The following RANBP2 variants were observed in gnomAD, a reference collection of about 807,000 sequenced individuals.
RANBP2 encodes the protein E3 SUMO-protein ligase RanBP2.
In RANBP2, 57 loss-of-function variants were observed where a neutral mutation model predicts 303.6. The ratio of observed to expected loss-of-function variants is 0.19; its 90% CI spans 0.15 to 0.23. The LOEUF is 0.23. Ranked by LOEUF, RANBP2 falls within the 10% of genes least tolerant of loss-of-function variation. RANBP2 has a pLI of 1.00. For synonymous variants in RANBP2, 1,167 were observed against 1,301.5 expected, an observed-to-expected ratio of 0.90 and a Z score of 2.23; for missense variants, 3,138 against 3,780.8, an observed-to-expected ratio of 0.83 and a Z score of 4.46.
chr2:109,550,234 A>G, the RANBP2 span, among the ~76,000 whole-genome samples: 3 of 151,808 alleles, frequency 2.0e-5, no homozygotes, highest in African/African-American at 7.2e-5. Context: ...AGGTTGCGGT[A>G]AGCTGAGATT....
the RANBP2 span, among the ~76,000 whole-genome samples, chr2:109,243,727 T>C: frequency 6.6e-6 from 1 of 152,070 alleles, no homozygotes. Context: ...AGATTGAGCA[T>C]GGTGTTTTCA....
the RANBP2 span, among the ~76,000 whole-genome samples, chr2:109,201,024 G>A: frequency 1.3e-5 from 2 of 152,162 alleles, no homozygotes; most frequent in Non-Finnish European, 2.9e-5. Flanking sequence ...GTGGCTGTGG[G>A]GACCTGGGTG....
intron 4 of RANBP2, among the ~76,000 whole-genome samples, chr2:108,732,201 A>G (rs917608804): frequency 1.3e-5 from 2 of 152,180 alleles, no homozygotes; most frequent in African/African-American, 4.8e-5. Flanking sequence ...GAATTTAAAA[A>G]ATTTTAATTT....
the RANBP2 span, chr2:108,856,985 T>G: frequency 6.8e-7 from 1 of 1,467,888 alleles, no homozygotes; most frequent in South Asian, 1.2e-5. Context: ...GTTTTTAAGT[T>G]CTATATGTGT....
At chr2:109,027,917 C>T in the RANBP2 span, among the ~76,000 whole-genome samples, 1 of 152,234 alleles carries the variant, frequency 6.6e-6, no homozygotes. Context: ...TGGGCTCTGC[C>T]AGTTAATGCA....
At chr2:108,859,044 T>C in the RANBP2 span, among the ~76,000 whole-genome samples, 2 of 152,204 alleles carry the variant, frequency 1.3e-5, no homozygotes, top group African/African-American at 2.4e-5. Flanking sequence ...TACCCAGTAA[T>C]AGGATTGCTG....
chr2:109,580,349 CAAAA>C, the RANBP2 span, among the ~76,000 whole-genome samples: 3 of 135,916 alleles, frequency 2.2e-5, no homozygotes, highest in African/African-American at 2.8e-5. Context: ...CCATAAAATG[CAAAA>C]AAAAAAAAAA....
At chr2:109,221,941 A>G in the RANBP2 span, among the ~76,000 whole-genome samples, 1 of 152,022 alleles carries the variant, frequency 6.6e-6, no homozygotes, top group Non-Finnish European at 1.5e-5. Flanking sequence ...AATAGCAAAG[A>G]TGTGAATCAG....
the RANBP2 span, among the ~76,000 whole-genome samples, chr2:109,522,095 A>T: frequency 6.6e-6 from 1 of 152,130 alleles, no homozygotes; most frequent in South Asian, 2.1e-4. Context: ...TTTTAAAAAA[A>T]CCTGCTGAAT....
chr2:109,726,578 T>C, the RANBP2 span, among the ~76,000 whole-genome samples: 1 of 152,178 alleles, frequency 6.6e-6, no homozygotes, highest in Non-Finnish European at 1.5e-5. Context: ...TTAACCACTT[T>C]CGTTACTAGG....
the RANBP2 span, among the ~76,000 whole-genome samples, chr2:109,245,473 A>G: frequency 1.3e-5 from 2 of 152,188 alleles, no homozygotes; most frequent in African/African-American, 4.8e-5. Flanking sequence ...AGTGCTTCCT[A>G]TGTGAGTTGA....
At chr2:109,398,555 T>G in the RANBP2 span, 2 of 1,507,444 alleles carry the variant, frequency 1.3e-6, no homozygotes, top group Non-Finnish European at 1.8e-6. Flanking sequence ...TGACCATGAT[T>G]TAATGCAGCC....
the RANBP2 span, among the ~76,000 whole-genome samples, chr2:108,914,185 G>A: frequency 2.7e-5 from 4 of 150,598 alleles, no homozygotes; most frequent in East Asian, 3.9e-4. Context: ...GCTTGAACCC[G>A]GGAGGTGGAG....
the RANBP2 span, among the ~76,000 whole-genome samples, chr2:108,958,749 C>G: frequency 6.6e-6 from 1 of 152,142 alleles, no homozygotes; most frequent in Non-Finnish European, 1.5e-5. Context: ...AAAGCTCAAG[C>G]GCAAGGCTTC....
the RANBP2 span, among the ~76,000 whole-genome samples, chr2:109,139,832 A>G: frequency 2.8e-4 from 43 of 152,206 alleles, no homozygotes; most frequent in African/African-American, 3.6e-4. Flanking sequence ...CCAAAGACCA[A>G]TGTGTCCATT....
At chr2:109,603,259 C>T in the RANBP2 span, among the ~76,000 whole-genome samples, 1 of 150,370 alleles carries the variant, frequency 6.7e-6, no homozygotes, top group Non-Finnish European at 1.5e-5. Context: ...TTTTTTGAGA[C>T]AGTCTCACTG....
chr2:109,545,192 A>C, the RANBP2 span: 5 of 985,410 alleles, frequency 5.1e-6, no homozygotes, highest in Non-Finnish European at 6.0e-6. Context: ...GAGTAAACTG[A>C]GGCAGAGTCC....
chr2:109,601,938 C>T, the RANBP2 span, among the ~76,000 whole-genome samples: 44 of 152,146 alleles, frequency 2.9e-4, no homozygotes, highest in Non-Finnish European at 5.4e-4. Flanking sequence ...TATATTCAGT[C>T]CGTCATATGG....
At chr2:109,070,439 T>C in the RANBP2 span, among the ~76,000 whole-genome samples, 2 of 152,088 alleles carry the variant, frequency 1.3e-5, no homozygotes, top group African/African-American at 2.4e-5. Flanking sequence ...TGATGCTCAG[T>C]GTTGGAGGTG....
Sources: gnomAD v4.1 joint callset for allele counts (sites outside exome capture counted in the v4.1 genomes callset) on GRCh38, gnomAD v4.1.1 for gene constraint, MANE v1.5 for transcripts, NCBI Gene and HGNC (gene_info 2026-07-23, HGNC 2026-07-21) for gene names.